The following GRID2 variants were observed in gnomAD, a reference collection of about 807,000 sequenced individuals.
GRID2 encodes glutamate receptor ionotropic, delta-2.
In GRID2, 33 loss-of-function variants were observed where a neutral mutation model predicts 114.8. That is an observed-to-expected ratio of 0.29 (90% CI 0.22 to 0.38). GRID2 has a LOEUF of 0.38. GRID2 is among the 10% of genes least tolerant of loss of function. The pLI, the probability that GRID2 is intolerant of heterozygous loss-of-function variation, is 1.00. For synonymous variants in GRID2, 505 were observed against 449.9 expected (o/e 1.12, Z -1.55); for missense variants, 1,184 against 1,257.7 (o/e 0.94, Z 0.89).
intron 2 of GRID2, among the ~76,000 whole-genome samples, chr4:92,962,667 AT>A (rs143831568): frequency 1.6e-4 from 24 of 151,372 alleles, no homozygotes; most frequent in African/African-American, 2.2e-4. Flanking sequence ...GCATGAAGGG[AT>A]TTTTTTTTCC....
intron 4 of GRID2, among the ~76,000 whole-genome samples, chr4:93,188,553 G>A (rs557987720): frequency 1.3e-5 from 2 of 152,254 alleles, no homozygotes; most frequent in Admixed American, 6.5e-5. Context: ...AGAGCCCCTG[G>A]CTTCCACCAA....
At chr4:92,549,205 C>T (rs1313891864) in intron 1 of GRID2, among the ~76,000 whole-genome samples, 1 of 151,178 alleles carries the variant, frequency 6.6e-6, no homozygotes, top group Non-Finnish European at 1.5e-5. Context: ...TGATTTTGCA[C>T]TTTGAAGGAA....
intron 13 of GRID2, among the ~76,000 whole-genome samples, chr4:93,528,499 T>G (rs926841702): frequency 6.6e-6 from 1 of 151,996 alleles, no homozygotes; most frequent in African/African-American, 2.4e-5. Context: ...ATAGAAATCA[T>G]GTAAATCTAA....
chr4:92,379,859 C>G lies in GRID2; in HGVS notation c.88+75115C>G, dbSNP rs555331721. Among the ~76,000 whole-genome samples the G allele has an allele frequency of 2.6e-5, 4 of 152,008 alleles. No homozygotes were observed. In the East Asian group the frequency reaches 5.8e-4, roughly 22 times the overall value. On this transcript the variant is annotated intron_variant, in intron 1 of 15. Coordinates refer to ENST00000282020, the MANE Select transcript of GRID2 (RefSeq NM_001510.4). ...TAATAAAGTTTCATTTATTCAGTGT[C>G]TTTTAAATTATATATAGGTATTAAA...
intron 2 of GRID2, among the ~76,000 whole-genome samples, chr4:93,022,629 C>A (rs1266967094): frequency 6.6e-6 from 1 of 151,852 alleles, no homozygotes; most frequent in Non-Finnish European, 1.5e-5. Context: ...AAAATGTTTT[C>A]ACAAAATTGC....
chr4:93,553,974 T>G (rs1303024987), intron 13 of GRID2, among the ~76,000 whole-genome samples: 1 of 152,226 alleles, frequency 6.6e-6, no homozygotes, highest in Non-Finnish European at 1.5e-5. Flanking sequence ...GAGCCCATAC[T>G]AATTAATACA....
chr4:92,643,866 A>G (rs574278067), intron 2 of GRID2, among the ~76,000 whole-genome samples: 2 of 151,962 alleles, frequency 1.3e-5, no homozygotes, highest in East Asian at 3.9e-4. Flanking sequence ...ATCTGATGAG[A>G]AATTCAATCT....
chr4:92,905,233 A>T (rs1747856547), intron 2 of GRID2, among the ~76,000 whole-genome samples: 1 of 152,074 alleles, frequency 6.6e-6, no homozygotes, highest in Non-Finnish European at 1.5e-5. Context: ...TAAAAATTTG[A>T]TTCATCCCAC....
intron 2 of GRID2, among the ~76,000 whole-genome samples, chr4:93,025,560 G>A (rs934810763): frequency 4.0e-5 from 6 of 151,708 alleles, no homozygotes; most frequent in African/African-American, 1.4e-4. Context: ...CAATATGAGA[G>A]AATTTTTATG....
intron 8 of GRID2, among the ~76,000 whole-genome samples, chr4:93,242,714 G>A (rs72872738): frequency 0.028 from 4,209 of 151,962 alleles, 204 homozygotes; most frequent in African/African-American, 0.096. Context: ...TTTGGGGAGA[G>A]AGAGAACTGA....
rs1050258426 is a variant in GRID2, at chr4:93,479,094, A to AT, written c.1859-11537dup. On this transcript the variant is annotated intron_variant, in intron 11 of 15. Transcript: ENST00000282020. The stretch of plus-strand genomic sequence containing the variant: ...ATATCCCAAGAAAGTGAGTCACACA[A>AT]TTTTTTTTAATTTTCCAGTGCATAT... Among the ~76,000 whole-genome samples the AT allele has an allele frequency of 4.6e-5, 7 of 151,998 alleles. No individual in the cohort carries two copies. The East Asian group carries it at 9.7e-4, about 21-fold the overall frequency.
At chr4:92,583,806 A>C (rs563420031) in intron 1 of GRID2, among the ~76,000 whole-genome samples, 1 of 150,440 alleles carries the variant, frequency 6.6e-6, no homozygotes, top group Non-Finnish European at 1.5e-5. Context: ...GTATGTAATA[A>C]ATGTACCTAT....
chr4:93,622,187 A>G (rs1206603145), intron 13 of GRID2, among the ~76,000 whole-genome samples: 1 of 152,192 alleles, frequency 6.6e-6, no homozygotes, highest in African/African-American at 2.4e-5. Context: ...AGTTGGTTGC[A>G]AAGATCAGAG....
At chr4:93,437,621 C>T (rs1440878106) in intron 10 of GRID2, among the ~76,000 whole-genome samples, 1 of 152,124 alleles carries the variant, frequency 6.6e-6, no homozygotes, top group Admixed American at 6.6e-5. Flanking sequence ...ACACTTCTTT[C>T]TCAAACACCT....
intron 2 of GRID2, among the ~76,000 whole-genome samples, chr4:92,851,901 A>G (rs1254226193): frequency 6.6e-6 from 1 of 152,012 alleles, no homozygotes; most frequent in Non-Finnish European, 1.5e-5. Context: ...TCTTTGCAAA[A>G]GAATGCAGAA....
chr4:92,835,791 G>T (rs1390731996), intron 2 of GRID2, among the ~76,000 whole-genome samples: 1 of 152,008 alleles, frequency 6.6e-6, no homozygotes, highest in Non-Finnish European at 1.5e-5. Context: ...TGTTTTAATG[G>T]TAATGAGTGT....
At chr4:93,205,217 T>A (rs888088160) in intron 4 of GRID2, among the ~76,000 whole-genome samples, 4 of 152,120 alleles carry the variant, frequency 2.6e-5, no homozygotes, top group African/African-American at 4.8e-5. Flanking sequence ...TAAAGTGTTT[T>A]TTTTTTATTT....
intron 4 of GRID2, among the ~76,000 whole-genome samples, chr4:93,142,843 A>G (rs1234733491): frequency 2.0e-5 from 3 of 152,246 alleles, no homozygotes; most frequent in Non-Finnish European, 4.4e-5. Context: ...GATACTGTTT[A>G]ATAAACAAAG....
intron 2 of GRID2, among the ~76,000 whole-genome samples, chr4:93,051,009 T>C (rs1726657339): frequency 1.3e-5 from 2 of 152,074 alleles, no homozygotes; most frequent in Admixed American, 6.6e-5. Context: ...TGAGGGATTT[T>C]CAGCTGTGAG....
Sources: gnomAD v4.1 joint callset for allele counts (sites outside exome capture counted in the v4.1 genomes callset) on GRCh38, gnomAD v4.1.1 for gene constraint, MANE v1.5 for transcripts, NCBI Gene and HGNC (gene_info 2026-07-23, HGNC 2026-07-21) for gene names.